Variants in ALKBH1 observed in about 807,000 individuals in gnomAD.
ALKBH1 encodes alkB homolog 1, histone H2A dioxygenase, also known as nucleic acid dioxygenase ALKBH1.
Under a neutral mutation model 36.6 loss-of-function variants are expected in ALKBH1, and 31 were observed. That is an observed-to-expected ratio of 0.85 (90% CI 0.64 to 1.14). ALKBH1 has a LOEUF of 1.14. Ranked by LOEUF, ALKBH1 falls within the 50% of genes most tolerant of loss-of-function variation. ALKBH1 has a pLI of 0.00. For synonymous variants in ALKBH1, 183 were observed against 186.6 expected (o/e 0.98, Z 0.16); for missense variants, 490 against 497.3 (o/e 0.99, Z 0.14).
At chr14:77,701,516 C>T (rs1053227454) in intron 2 of ALKBH1, among the ~76,000 whole-genome samples, 1 of 152,084 alleles carries the variant, frequency 6.6e-6, no homozygotes, top group African/African-American at 2.4e-5. Context: ...CTGTCAAGTT[C>T]CCCCATAAGT....
At chr14:77,696,320 C>G (rs2080326714) in intron 2 of ALKBH1, among the ~76,000 whole-genome samples, 1 of 152,100 alleles carries the variant, frequency 6.6e-6, no homozygotes, top group Admixed American at 6.5e-5. Flanking sequence ...TCCCAAGTAG[C>G]TGTGATTACA....
At chr14:77,693,216 A>G in intron 3 of ALKBH1, among the ~76,000 whole-genome samples, 1 of 125,848 alleles carries the variant, frequency 7.9e-6, no homozygotes, top group African/African-American at 3.0e-5. Flanking sequence ...CAAAAAAAAA[A>G]AAAAAAAATT....
At chr14:77,679,841 T>A (rs2080227015) in intron 4 of ALKBH1, 39 bp downstream of exon 4, 3 of 1,497,856 alleles carry the variant, frequency 2.0e-6, no homozygotes, top group Non-Finnish European at 2.8e-6. Context: ...TAAAGAAGCC[T>A]ATAAACAGAA....
At chr14:77,697,286 G>A (rs1295660884) in intron 2 of ALKBH1, 2 of 155,006 alleles carry the variant, frequency 1.3e-5, no homozygotes, top group Non-Finnish European at 2.9e-5. Flanking sequence ...CCAGTACTGA[G>A]GCTCTGAGTG....
intron 3 of ALKBH1, among the ~76,000 whole-genome samples, chr14:77,687,662 A>G (rs987594437): frequency 6.6e-6 from 1 of 152,104 alleles, no homozygotes; most frequent in African/African-American, 2.4e-5. Context: ...CCTATTTGAC[A>G]TGGCTGGCCC....
At chr14:77,692,045 TTC>T (rs1566815254) in intron 3 of ALKBH1, 1 of 152,322 alleles carries the variant, frequency 6.6e-6, no homozygotes, top group Non-Finnish European at 1.5e-5. Context: ...TAAGAAAATC[TTC>T]TCTTTACTCT....
chr14:77,680,386 G>A (rs754720488), intron 3 of ALKBH1, among the ~76,000 whole-genome samples: 1 of 152,146 alleles, frequency 6.6e-6, no homozygotes, highest in Non-Finnish European at 1.5e-5. Flanking sequence ...TAATCACAAT[G>A]ATTTCTATGT....
intron 5 of ALKBH1, among the ~76,000 whole-genome samples, chr14:77,674,708 A>G (rs1245127918): frequency 6.6e-6 from 1 of 152,008 alleles, no homozygotes; most frequent in Non-Finnish European, 1.5e-5. Context: ...GTGTGCCACC[A>G]CACCCGACTA....
intron 2 of ALKBH1, among the ~76,000 whole-genome samples, chr14:77,702,995 T>C (rs1288599502): frequency 6.6e-6 from 1 of 151,822 alleles, no homozygotes; most frequent in African/African-American, 2.4e-5. Flanking sequence ...CTACTAAAAA[T>C]ACAAAAATTA....
intron 3 of ALKBH1, among the ~76,000 whole-genome samples, chr14:77,681,655 G>C (rs1335113105): frequency 6.6e-6 from 1 of 152,200 alleles, no homozygotes; most frequent in Non-Finnish European, 1.5e-5. Flanking sequence ...TGCTTACAAA[G>C]ATGGTCCTTG....
intron 3 of ALKBH1, among the ~76,000 whole-genome samples, chr14:77,682,977 G>A (rs767557787): frequency 2.0e-5 from 3 of 151,990 alleles, no homozygotes; most frequent in Non-Finnish European, 4.4e-5. Flanking sequence ...GATTACAGGC[G>A]TGAACCACTG....
Position 77,707,882 on chromosome 14 carries a change from T to G in ALKBH1, c.123A>C (p.Glu41Asp), listed in dbSNP as rs780661069. 6.2e-7 allele frequency: 1 copy of G among 1,613,464 alleles called. No individual in the cohort carries two copies. Among genetic ancestry groups the G allele is most frequent in the Non-Finnish European group, 8.5e-7 (1 of 1,179,914 alleles). The change falls in exon 1 of 6, where the codon GAA becomes GAC. Residue 41 changes from glutamate (E) to aspartate (D), a missense_variant. By Grantham distance (45) the Glu-to-Asp change is conservative. Coordinates refer to ENST00000216489, the MANE Select transcript of ALKBH1 (RefSeq NM_006020.3). ...GGGCCGCCGAGAAGTCGATGACCCC[T>G]TCCAGGTCTGCGGTCCCGGGCCGGC... ...RQSRPGTADL[E>D]GVIDFSAAHA...
intron 5 of ALKBH1, among the ~76,000 whole-genome samples, chr14:77,674,976 G>C (rs2080197070): frequency 6.6e-6 from 1 of 151,956 alleles, no homozygotes; most frequent in Non-Finnish European, 1.5e-5. Context: ...GCAAAACTTG[G>C]CACAAATTTA....
intron 4 of ALKBH1, among the ~76,000 whole-genome samples, chr14:77,677,136 T>C (rs1213451508): frequency 6.6e-6 from 1 of 152,080 alleles, no homozygotes; most frequent in East Asian, 1.9e-4. Context: ...GCCTCCCAGA[T>C]TCAAGTGATT....
At chr14:77,701,254 A>G (rs2080357758) in intron 2 of ALKBH1, among the ~76,000 whole-genome samples, 1 of 152,224 alleles carries the variant, frequency 6.6e-6, no homozygotes, top group Non-Finnish European at 1.5e-5. Flanking sequence ...CACTGATCTA[A>G]GCAGTTAACA....
chr14:77,690,427 C>T (rs1021509301), intron 3 of ALKBH1, among the ~76,000 whole-genome samples: 1 of 152,186 alleles, frequency 6.6e-6, no homozygotes, highest in Non-Finnish European at 1.5e-5. Flanking sequence ...AACTTCTAAA[C>T]CCTTGAAATT....
intron 3 of ALKBH1, among the ~76,000 whole-genome samples, chr14:77,692,995 C>T (rs1164687278): frequency 1.3e-5 from 2 of 151,534 alleles, no homozygotes; most frequent in Non-Finnish European, 2.9e-5. Flanking sequence ...CACCTGAGGT[C>T]GGGAGTTCAA....
chr14:77,701,067 T>TG (rs1213964848), intron 2 of ALKBH1, among the ~76,000 whole-genome samples: 4 of 152,158 alleles, frequency 2.6e-5, no homozygotes, highest in Admixed American at 6.6e-5. Flanking sequence ...TGCACCCCAC[T>TG]GGGTGACAGA....
intron 1 of ALKBH1, among the ~76,000 whole-genome samples, chr14:77,705,797 G>A (rs28534379): frequency 0.18 from 27,255 of 152,140 alleles, 2,559 homozygotes; most frequent in East Asian, 0.26. Flanking sequence ...GCTCACACCT[G>A]TAATTCCAAC....
Sources: gnomAD v4.1 joint callset for allele counts (sites outside exome capture counted in the v4.1 genomes callset) on GRCh38, gnomAD v4.1.1 for gene constraint, MANE v1.5 for transcripts, NCBI Gene and HGNC (gene_info 2026-07-23, HGNC 2026-07-21) for gene names.